Variants in NDST4 observed in about 807,000 individuals in gnomAD.
The protein encoded by NDST4 is N-heparan sulfate sulfotransferase 4.
A neutral mutation model predicts 100.8 loss-of-function variants in NDST4; 63 were observed. The ratio of observed to expected loss-of-function variants is 0.62; its 90% confidence interval spans 0.51 to 0.77. The LOEUF (loss-of-function observed/expected upper bound fraction) is 0.77, where lower values mean the gene tolerates loss of function less well. Among genes scored for constraint, NDST4 ranks in the 30% least tolerant of loss-of-function variants. NDST4 has a pLI of 0.00. For missense variants in NDST4, 943 were observed against 1,018.4 expected, an observed-to-expected ratio of 0.93 and a Z score of 1.01; for synonymous variants, 377 against 361.8, an observed-to-expected ratio of 1.04 and a Z score of -0.48.
intron 1 of NDST4, among the ~76,000 whole-genome samples, chr4:115,106,509 T>C (rs567046739): frequency 1.3e-5 from 2 of 152,232 alleles, no homozygotes; most frequent in East Asian, 1.9e-4. Context: ...ATGTAGCCTA[T>C]ACACATCCTC....
At chr4:114,981,246 G>A (rs71606737) in intron 2 of NDST4, among the ~76,000 whole-genome samples, 12 of 151,520 alleles carry the variant, frequency 7.9e-5, no homozygotes, top group African/African-American at 2.7e-4. Flanking sequence ...AGGAAGGAAG[G>A]AAGGAAGGAA....
At chr4:115,019,170 T>G (rs1328101832) in intron 2 of NDST4, among the ~76,000 whole-genome samples, 1 of 152,110 alleles carries the variant, frequency 6.6e-6, no homozygotes. Flanking sequence ...TTTTAATACA[T>G]ATTGTAAACA....
intron 6 of NDST4, among the ~76,000 whole-genome samples, chr4:114,880,422 G>C (rs1257766771): frequency 1.3e-5 from 2 of 152,022 alleles, no homozygotes; most frequent in African/African-American, 2.4e-5. Flanking sequence ...TTTCAACCAT[G>C]TTGCAATGAT....
At chr4:114,861,845 C>T (rs1010250003) in intron 7 of NDST4, among the ~76,000 whole-genome samples, 1 of 152,116 alleles carries the variant, frequency 6.6e-6, no homozygotes, top group African/African-American at 2.4e-5. Context: ...AATGTCAACC[C>T]ATGCAAGTGG....
At chr4:114,964,164 G>T (rs1466464678) in intron 4 of NDST4, among the ~76,000 whole-genome samples, 1 of 152,148 alleles carries the variant, frequency 6.6e-6, no homozygotes, top group African/African-American at 2.4e-5. Context: ...TGACCCACAT[G>T]GCAAGGAACA....
Position 114,922,420 on chromosome 4 carries a change from TG to T in NDST4, c.1536+12785del, listed in dbSNP as rs142877601. Among the ~76,000 whole-genome samples the T allele has an allele frequency of 4.3e-3, 650 of 152,228 alleles. 5 individuals carry two copies. Among genetic ancestry groups the T allele is most frequent in the Middle Eastern group, 0.01 (3 of 294 alleles). ...TGTGCATGTGGACAGCCTCCCCCAG[TG>T]GAAAAATCGGGCGAGAAGTAACACA... On this transcript the variant is annotated intron_variant, in intron 6 of 13. Transcript: ENST00000264363.
chr4:115,031,296 T>C (rs1414077266), intron 2 of NDST4, among the ~76,000 whole-genome samples: 1 of 152,082 alleles, frequency 6.6e-6, no homozygotes, highest in African/African-American at 2.4e-5. Flanking sequence ...GGCTTTTCCA[T>C]TGTTCAGAGG....
intron 2 of NDST4, among the ~76,000 whole-genome samples, chr4:115,001,601 C>G (rs1045227927): frequency 3.3e-5 from 5 of 151,698 alleles, no homozygotes; most frequent in Non-Finnish European, 7.4e-5. Context: ...GTAATTTTTA[C>G]TATATAATAA....
At chr4:115,109,666 T>C (rs1560603432) in intron 1 of NDST4, among the ~76,000 whole-genome samples, 1 of 151,994 alleles carries the variant, frequency 6.6e-6, no homozygotes, top group East Asian at 1.9e-4. Flanking sequence ...TTTTCTCAGA[T>C]TTTTCAAAAT....
intron 2 of NDST4, among the ~76,000 whole-genome samples, chr4:114,983,700 G>A (rs145509466): frequency 6.6e-6 from 1 of 152,164 alleles, no homozygotes; most frequent in Non-Finnish European, 1.5e-5. Context: ...CTGTTGGAAA[G>A]GCATGACTGT....
intron 8 of NDST4, 71 bp downstream of exon 8, chr4:114,852,650 GATAA>G: frequency 1.3e-6 from 1 of 779,800 alleles, no homozygotes; most frequent in Non-Finnish European, 2.0e-6. Flanking sequence ...AATCTAATCT[GATAA>G]ATCCATATAC....
At chr4:115,044,494 C>CAA (rs1728423226) in intron 2 of NDST4, among the ~76,000 whole-genome samples, 1 of 151,808 alleles carries the variant, frequency 6.6e-6, no homozygotes, top group Admixed American at 6.6e-5. Context: ...GAAGAAGGTC[C>CAA]TCCAGAGATT....
chr4:114,938,445 G>A (rs762430841), intron 4 of NDST4, among the ~76,000 whole-genome samples: 1 of 152,156 alleles, frequency 6.6e-6, no homozygotes, highest in Non-Finnish European at 1.5e-5. Context: ...TAGATCTGCA[G>A]TTTTCTAATT....
intron 4 of NDST4, among the ~76,000 whole-genome samples, chr4:114,945,174 C>T (rs749079261): frequency 7.9e-6 from 1 of 126,890 alleles, no homozygotes; most frequent in Non-Finnish European, 1.6e-5. Context: ...TGCCATTGCT[C>T]TCTAGCCTGG....
chr4:114,932,385 TATC>T (rs1725533868), intron 6 of NDST4, among the ~76,000 whole-genome samples: 1 of 151,954 alleles, frequency 6.6e-6, no homozygotes. Context: ...TCACAGCTAA[TATC>T]ATCTTTAGTG....
At position 115,102,135 on chromosome 4, in the gene NDST4, T is replaced by G. The variant is rs765123961; in HGVS notation, c.-247+11309A>C. ...TGATTATCATCAACTGATAATTGCTTTGTTTTAGCTCAATAATCATTATTT... is the reference window on the plus strand; with the variant it reads ...TGATTATCATCAACTGATAATTGCTGTGTTTTAGCTCAATAATCATTATTT... On this transcript the variant is annotated intron_variant, in intron 1 of 13. Transcript: ENST00000264363. 3.2e-4 allele frequency among the ~76,000 whole-genome samples: 49 copies of G among 152,204 alleles called. 1 individual carries two copies. Among genetic ancestry groups the G allele is most frequent in the Non-Finnish European group, 5.3e-4 (36 of 68,018 alleles).
intron 6 of NDST4, among the ~76,000 whole-genome samples, chr4:114,933,282 A>C (rs898024616): frequency 2.0e-5 from 3 of 152,146 alleles, no homozygotes; most frequent in Non-Finnish European, 4.4e-5. Flanking sequence ...ACAGAAGAAC[A>C]AAATTAGACC....
intron 6 of NDST4, among the ~76,000 whole-genome samples, chr4:114,907,634 G>A (rs567918425): frequency 2.9e-4 from 44 of 152,114 alleles, no homozygotes; most frequent in African/African-American, 1.0e-3. Context: ...AAGCTAACAG[G>A]TGTTTTCCAT....
At chr4:114,856,452 GT>G (rs1723795680) in intron 7 of NDST4, among the ~76,000 whole-genome samples, 1 of 152,076 alleles carries the variant, frequency 6.6e-6, no homozygotes, top group Non-Finnish European at 1.5e-5. Context: ...CATTAAGAAT[GT>G]TTTTCTTTGA....
Sources: allele counts gnomAD v4.1 joint callset (sites outside exome capture counted in the v4.1 genomes callset), GRCh38; gene constraint gnomAD v4.1.1; transcripts MANE v1.5; gene names NCBI Gene and HGNC (gene_info 2026-07-23, HGNC 2026-07-21).